Variants in VPS37A observed in about 807,000 individuals in gnomAD.
VPS37A encodes VPS37A subunit of ESCRT-I.
Under a neutral mutation model 49.8 loss-of-function variants are expected in VPS37A, and 30 were observed. The ratio of observed to expected loss-of-function variants is 0.60; its 90% CI spans 0.45 to 0.82. The LOEUF (loss-of-function observed/expected upper bound fraction) is 0.82. Among genes scored for constraint, VPS37A ranks in the 40% least tolerant of loss-of-function variants. VPS37A has a pLI of 0.00. For missense variants in VPS37A, 593 were observed against 464.4 expected (o/e 1.28, Z -2.55); for synonymous variants, 195 against 160.6 (o/e 1.21, Z -1.62).
chr8:17,304,334 T>A, downstream of VPS37A: 1 of 1,592,876 alleles, frequency 6.3e-7, no homozygotes, highest in Admixed American at 1.7e-5. Context: ...GGTACCAGAA[T>A]CCAAGTTCAT....
chr8:17,280,006 A>G, intron 6 of VPS37A, 22 bp from the exon 7 acceptor site: 1 of 1,607,820 alleles, frequency 6.2e-7, no homozygotes, highest in South Asian at 1.1e-5. Flanking sequence ...ATTTATTGAC[A>G]TTTTTTCTTT....
intron 11 of VPS37A, among the ~76,000 whole-genome samples, chr8:17,293,552 T>C (rs1816336393): frequency 6.6e-6 from 1 of 152,154 alleles, no homozygotes; most frequent in African/African-American, 2.4e-5. Flanking sequence ...GTTTTTTGAA[T>C]TTTCAGCCTT....
At chr8:17,301,766 A>C (rs919639140), downstream of VPS37A, 5 of 225,822 alleles carry the variant, frequency 2.2e-5, no homozygotes, top group African/African-American at 1.1e-4. Context: ...TTATAGATTA[A>C]TATCATAGTT....
intron 11 of VPS37A, among the ~76,000 whole-genome samples, chr8:17,290,424 A>G (rs1816027868): frequency 6.6e-6 from 1 of 152,190 alleles, no homozygotes; most frequent in Non-Finnish European, 1.5e-5. Context: ...CCTTTTCTGC[A>G]TCTATGAGAT....
At chr8:17,266,112 A>G (rs1813422835) in intron 2 of VPS37A, 131 bp downstream of exon 2, 3 of 756,552 alleles carry the variant, frequency 4.0e-6, no homozygotes, top group South Asian at 3.9e-5. Context: ...ATAGTGCACA[A>G]TTCAGTGAAA....
chr8:17,303,943 A>T (rs190599069), downstream of VPS37A, among the ~76,000 whole-genome samples: 6 of 152,322 alleles, frequency 3.9e-5, no homozygotes, highest in African/African-American at 1.2e-4. Context: ...CAAAAAGGCA[A>T]CCTATTACGT....
the VPS37A span, among the ~76,000 whole-genome samples, chr8:17,330,652 A>G: frequency 0.34 from 51,038 of 152,108 alleles, 10,320 homozygotes; most frequent in African/African-American, 0.55. Flanking sequence ...CATATATGTC[A>G]AAGTGTGTGT....
the VPS37A span, among the ~76,000 whole-genome samples, chr8:17,332,980 G>A: frequency 1.3e-5 from 2 of 152,054 alleles, no homozygotes; most frequent in Non-Finnish European, 2.9e-5. Context: ...CATTGATACC[G>A]AGAGCATATA....
chr8:17,283,129 G>C (rs1420861553), intron 9 of VPS37A, among the ~76,000 whole-genome samples: 1 of 152,068 alleles, frequency 6.6e-6, no homozygotes. Flanking sequence ...TTTTATTTAT[G>C]AGTCACAAAG....
At chr8:17,264,392 G>C (rs994255792) in intron 1 of VPS37A, among the ~76,000 whole-genome samples, 3 of 152,130 alleles carry the variant, frequency 2.0e-5, no homozygotes, top group Non-Finnish European at 4.4e-5. Flanking sequence ...CAAGGGAGGA[G>C]GTTTTTCAGT....
chr8:17,316,684 G>A, the VPS37A span, among the ~76,000 whole-genome samples: 1 of 151,976 alleles, frequency 6.6e-6, no homozygotes, highest in African/African-American at 2.4e-5. Flanking sequence ...AAAAAATAAT[G>A]GTAATAGAAA....
At chr8:17,294,508 C>A (rs539653803) in intron 11 of VPS37A, among the ~76,000 whole-genome samples, 2 of 152,278 alleles carry the variant, frequency 1.3e-5, no homozygotes, top group East Asian at 3.9e-4. Context: ...AAAATTCCTG[C>A]AGCTAGCTCG....
chr8:17,302,117 G>C (rs200154176), downstream of VPS37A: 668 of 1,613,134 alleles, frequency 4.1e-4, 1 homozygote, highest in Non-Finnish European at 5.2e-4. Context: ...CAAGAAATAA[G>C]CACAGAAAAT....
chr8:17,307,008 GCAATGGCAGCAAAAGA>G (rs2150475369), downstream of VPS37A, among the ~76,000 whole-genome samples: 1 of 152,272 alleles, frequency 6.6e-6, no homozygotes, highest in East Asian at 1.9e-4. Flanking sequence ...AACACCAAAA[GCAATGGCAGCAAAAGA>G]CAAAATTGAC....
chr8:17,320,529 A>G, the VPS37A span, among the ~76,000 whole-genome samples: 1 of 152,196 alleles, frequency 6.6e-6, no homozygotes, highest in African/African-American at 2.4e-5. Context: ...GAGGACATAC[A>G]GAAGCTGATG....
intron 1 of VPS37A, among the ~76,000 whole-genome samples, chr8:17,264,682 A>G (rs905480232): frequency 5.3e-5 from 8 of 152,226 alleles, no homozygotes; most frequent in Non-Finnish European, 1.0e-4. Flanking sequence ...TGTTAGAAGA[A>G]GCATCCAAAA....
In VPS37A at chr8:17,274,915, C is replaced by G. The variant is rs1814370011; in HGVS notation, c.599C>G (p.Ser200Ter). The G allele has an allele frequency of 1.2e-6, 2 of 1,614,044 alleles. No homozygotes were observed. Among genetic ancestry groups the G allele is most frequent in the South Asian group, 1.1e-5 (1 of 91,086 alleles). Residue 200 changes from serine to a stop codon, truncating the protein, a stop_gained, in exon 5 of 12, where the codon TCA becomes TGA. Transcript: ENST00000324849. LOFTEE classifies it high-confidence loss of function. ...GCCGCTCCTTCATTTGGTGTCCTTT[C>G]AAATCTGCCATTACCCATTCCCACA... ...KPAAPSFGVL[S>*]NLPLPIPTVD...
chr8:17,277,485 C>A (rs546374318), intron 6 of VPS37A, among the ~76,000 whole-genome samples: 1 of 151,962 alleles, frequency 6.6e-6, no homozygotes, highest in East Asian at 1.9e-4. Context: ...AGCTATAAAC[C>A]CTTTTGCTCA....
At chr8:17,269,052 C>G in intron 4 of VPS37A, 96 bp downstream of exon 4, 2 of 840,802 alleles carry the variant, frequency 2.4e-6, no homozygotes, top group South Asian at 3.7e-5. Context: ...AAAATCAGTC[C>G]TCTGATTTCT....
Sources: gnomAD v4.1 joint callset for allele counts (sites outside exome capture counted in the v4.1 genomes callset) on GRCh38, gnomAD v4.1.1 for gene constraint, MANE v1.5 for transcripts, NCBI Gene and HGNC (gene_info 2026-07-23, HGNC 2026-07-21) for gene names.